NRG1: variants seen among roughly 807,000 people sequenced by gnomAD.
The protein encoded by NRG1 is pro-neuregulin-1, membrane-bound isoform.
In NRG1, 18 loss-of-function variants were observed where a neutral mutation model predicts 63.8. The observed-to-expected ratio is 0.28, with a 90% CI of 0.19 to 0.42. NRG1 has a LOEUF of 0.42. NRG1 is among the 10% of genes least tolerant of loss of function. NRG1 has a pLI of 1.00. For missense variants in NRG1, 762 were observed against 814.7 expected (o/e 0.94, Z 0.79); for synonymous variants, 302 against 301.3 (o/e 1.00, Z -0.02).
chr8:32,302,433 G>A (rs186926866), intron 1 of NRG1, among the ~76,000 whole-genome samples: 68 of 152,290 alleles, frequency 4.5e-4, no homozygotes, highest in Admixed American at 8.5e-4. Context: ...GTAAACTTAC[G>A]TGTAGGAAAC....
At chr8:31,809,647 C>A (rs572486036) in intron 1 of NRG1, among the ~76,000 whole-genome samples, 1 of 150,128 alleles carries the variant, frequency 6.7e-6, no homozygotes, top group Non-Finnish European at 1.5e-5. Context: ...TATAAAATGC[C>A]AACCAGTTTT....
intron 1 of NRG1, among the ~76,000 whole-genome samples, chr8:32,383,460 C>T (rs1810603973): frequency 6.6e-6 from 1 of 152,170 alleles, no homozygotes; most frequent in Admixed American, 6.5e-5. Flanking sequence ...ACCTAAGTAA[C>T]CTGATACAAA....
chr8:32,167,833 C>T (rs2131974965), intron 1 of NRG1, among the ~76,000 whole-genome samples: 1 of 152,306 alleles, frequency 6.6e-6, no homozygotes, highest in African/African-American at 2.4e-5. Flanking sequence ...TAAGATCAAA[C>T]CACCAATGAT....
At chr8:32,171,305 C>T (rs996468751) in intron 1 of NRG1, 2 of 152,060 alleles carry the variant, frequency 1.3e-5, no homozygotes, top group African/African-American at 4.8e-5. Flanking sequence ...TATATGTGTG[C>T]CATGGTTGTT....
intron 1 of NRG1, among the ~76,000 whole-genome samples, chr8:32,286,403 GCTGA>G (rs1328461376): frequency 6.6e-6 from 1 of 152,192 alleles, no homozygotes; most frequent in Non-Finnish European, 1.5e-5. Flanking sequence ...TTTCCCATTG[GCTGA>G]CTATCAGCCA....
At chr8:31,759,376 A>G (rs971518343) in intron 1 of NRG1, among the ~76,000 whole-genome samples, 2 of 151,976 alleles carry the variant, frequency 1.3e-5, no homozygotes, top group African/African-American at 4.8e-5. Flanking sequence ...TAGCTTATAC[A>G]TTTATGGCTT....
chr8:31,722,445 G>A (rs980118351), intron 1 of NRG1, among the ~76,000 whole-genome samples: 7 of 151,962 alleles, frequency 4.6e-5, no homozygotes, highest in African/African-American at 1.2e-4. Context: ...GTCCTTCCAC[G>A]GTGGCACAGA....
At chr8:32,478,965 G>T (rs554082118) in intron 1 of NRG1, among the ~76,000 whole-genome samples, 2 of 152,238 alleles carry the variant, frequency 1.3e-5, no homozygotes, top group African/African-American at 2.4e-5. Flanking sequence ...GAAAACTGTT[G>T]CATTGAGTTC....
intron 6 of NRG1, among the ~76,000 whole-genome samples, chr8:32,731,102 G>C (rs971933438): frequency 6.6e-6 from 1 of 152,166 alleles, no homozygotes; most frequent in Non-Finnish European, 1.5e-5. Flanking sequence ...AACCAGGGCA[G>C]TTCTTTTCCA....
intron 1 of NRG1, among the ~76,000 whole-genome samples, chr8:31,665,756 C>A (rs967791197): frequency 1.3e-5 from 2 of 152,046 alleles, no homozygotes; most frequent in South Asian, 4.2e-4. Context: ...TGTTGCATTG[C>A]GTTTATCCTG....
intron 1 of NRG1, among the ~76,000 whole-genome samples, chr8:32,551,895 A>C (rs1041703439): frequency 2.1e-5 from 3 of 146,162 alleles, no homozygotes; most frequent in African/African-American, 7.6e-5. Flanking sequence ...TGAAGCCTGA[A>C]TTACAAAACC....
At position 31,640,491 on chromosome 8, in the gene NRG1, G is replaced by C. The variant is rs780604393; in HGVS notation, c.37+1060G>C. Reference sequence around the variant, plus strand: ...TGGTGAAGGTGCACCAGGTGTGGGCGGTGAAAGCCGGGGGCTTGAAGAAGG... The same window carrying C: ...TGGTGAAGGTGCACCAGGTGTGGGCCGTGAAAGCCGGGGGCTTGAAGAAGG... On this transcript the variant is annotated intron_variant, in intron 1 of 10. Coordinates refer to the NRG1 transcript ENST00000519301. The surrounding 1 kb of genome is among the most constrained non-coding windows in gnomAD (Gnocchi z 6.3). The C allele has an allele frequency of 6.2e-7, 1 of 1,608,900 alleles. No individual in the cohort carries two copies. Among genetic ancestry groups the C allele is most frequent in the Admixed American group, 1.7e-5 (1 of 59,696 alleles).
At chr8:31,946,451 G>T (rs1292231008) in intron 1 of NRG1, among the ~76,000 whole-genome samples, 2 of 152,282 alleles carry the variant, frequency 1.3e-5, no homozygotes, top group East Asian at 1.9e-4. Flanking sequence ...TATCCAAAAA[G>T]ATAGAAAGAA....
chr8:32,167,163 AAATT>A (rs1313393149), intron 1 of NRG1, among the ~76,000 whole-genome samples: 4 of 152,188 alleles, frequency 2.6e-5, no homozygotes, highest in Admixed American at 1.3e-4. Flanking sequence ...AGTGTAAGTC[AAATT>A]AATATAAGTT....
chr8:31,873,114 A>G (rs902492661), intron 1 of NRG1, among the ~76,000 whole-genome samples: 7 of 152,182 alleles, frequency 4.6e-5, no homozygotes, highest in Admixed American at 2.0e-4. Context: ...GTTCACCTCA[A>G]TTATACACTG....
At chr8:32,574,786 A>C (rs998995646) in intron 1 of NRG1, among the ~76,000 whole-genome samples, 2 of 152,124 alleles carry the variant, frequency 1.3e-5, no homozygotes, top group African/African-American at 4.8e-5. Context: ...TAAATTACCC[A>C]GTCTCAGTTA....
At chr8:31,842,954 A>G (rs1451465397) in intron 1 of NRG1, among the ~76,000 whole-genome samples, 1 of 152,180 alleles carries the variant, frequency 6.6e-6, no homozygotes, top group Non-Finnish European at 1.5e-5. Flanking sequence ...GACAATGAGA[A>G]ATGGCTTGAA....
intron 1 of NRG1, among the ~76,000 whole-genome samples, chr8:31,986,195 G>A (rs1319578727): frequency 2.0e-5 from 3 of 151,936 alleles, no homozygotes; most frequent in Non-Finnish European, 4.4e-5. Flanking sequence ...ATTTTCTTTG[G>A]GTAGATTTCT....
chr8:31,814,289 T>G (rs1353346266), intron 1 of NRG1, among the ~76,000 whole-genome samples: 1 of 152,234 alleles, frequency 6.6e-6, no homozygotes, highest in Non-Finnish European at 1.5e-5. Context: ...GTGTAGTGTC[T>G]GGGATCCAGT....
Sources: allele counts gnomAD v4.1 joint callset (sites outside exome capture counted in the v4.1 genomes callset), GRCh38; gene constraint gnomAD v4.1.1; non-coding constraint Gnocchi (gnomAD v3.1); transcripts MANE v1.5; gene names NCBI Gene and HGNC (gene_info 2026-07-23, HGNC 2026-07-21).